SEMA3E: variants seen among roughly 807,000 people sequenced by gnomAD.
SEMA3E encodes the protein semaphorin-3E.
SEMA3E carries 49 observed loss-of-function variants against 93.6 expected under a neutral mutation model. The observed-to-expected ratio is 0.52, with a 90% confidence interval of 0.42 to 0.66. SEMA3E has a LOEUF of 0.66. Among genes scored for constraint, SEMA3E ranks in the 30% least tolerant of loss-of-function variants. The pLI is 0.00. For synonymous variants in SEMA3E, 363 were observed against 330.7 expected (o/e 1.10, Z -1.06); for missense variants, 906 against 964.8 (o/e 0.94, Z 0.81).
rs557575318 is a variant in SEMA3E at position 83,473,370 on chromosome 7, T to C, written c.277-4068A>G. ...AGGCCTGTGACAGTAAGACAGACTC[T>C]TCTCCTGTCTACAGCAGTTTGTTTG... On this transcript the variant is annotated intron_variant, in intron 2 of 16. Transcript: ENST00000643230. 1.3e-4 allele frequency among the ~76,000 whole-genome samples: 20 copies of C among 152,332 alleles called. No individual in the cohort carries two copies. The South Asian group carries it at 3.5e-3, about 27-fold the overall frequency.
chr7:83,363,727 G>T lies in SEMA3E; in HGVS notation c.*3859C>A, dbSNP rs935224769. 17 of 152,084 alleles carry T rather than the reference G, an allele frequency of 1.1e-4. No individual in the cohort carries two copies. Among genetic ancestry groups the T allele is most frequent in the African/African-American group, 2.4e-5 (1 of 41,392 alleles). 9.4% of individuals were successfully genotyped at this position (152,084 alleles called of 1,614,324 possible). A position where few individuals can be genotyped will look rare whatever the true frequency, so the allele number is the denominator to read the frequency against. On this transcript the variant is annotated 3_prime_UTR_variant, in exon 17 of 17. Coordinates refer to ENST00000643230, the MANE Select transcript of SEMA3E (RefSeq NM_012431.3). Reference sequence around the variant, plus strand: ...TTTTTAAAATGGAACTCAGTGTGACGCTCTGCTGTAAGAAAAAGAGTATGG... The same window carrying T: ...TTTTTAAAATGGAACTCAGTGTGACTCTCTGCTGTAAGAAAAAGAGTATGG...
At position 83,481,668 on chromosome 7, in the gene SEMA3E, C is replaced by T. The variant is rs112994303; in HGVS notation, c.276+8446G>A. On this transcript the variant is annotated intron_variant, in intron 2 of 16. Coordinates refer to ENST00000643230, the MANE Select transcript of SEMA3E (RefSeq NM_012431.3). ...TAGGGTCTTTAATGAATGTTATATACGTGCAACAGAGCAGAAGTTCATTGG... is the reference window on the plus strand; with the variant it reads ...TAGGGTCTTTAATGAATGTTATATATGTGCAACAGAGCAGAAGTTCATTGG... 3.2e-3 allele frequency among the ~76,000 whole-genome samples: 483 copies of T among 152,116 alleles called. 4 individuals carry two copies. The highest frequency in any genetic ancestry group is 9.9e-3 in the African/African-American group (409 of 41,484).
At position 83,405,583 on chromosome 7, in the gene SEMA3E, T is replaced by G. The variant is rs2709935; in HGVS notation, c.929-64A>C. ...AGCTCTCTTTGCATGCAAAGAAAAT[T>G]TATTCACCTAAATTTGTTTAGAACT... On this transcript the variant is annotated intron_variant, in intron 8 of 16. Coordinates refer to ENST00000643230, the MANE Select transcript of SEMA3E (RefSeq NM_012431.3). 0.59 allele frequency: 787,808 copies of G among 1,331,812 alleles called. 240,909 individuals are homozygous for G. The highest frequency in any genetic ancestry group is 0.83 in the East Asian group (36,128 of 43,354). 82.5% of individuals were successfully genotyped at this position (1,331,812 alleles called of 1,614,324 possible). A position where few individuals can be genotyped will look rare whatever the true frequency, so the allele number is the denominator to read the frequency against.
At chr7:83,554,127 TATGTATA>T (rs1791832164) in intron 1 of SEMA3E, among the ~76,000 whole-genome samples, 2 of 152,128 alleles carry the variant, frequency 1.3e-5, no homozygotes, top group South Asian at 4.1e-4. Flanking sequence ...AAATAAGAAA[TATGTATA>T]ATGAGTTGTT....
intron 1 of SEMA3E, among the ~76,000 whole-genome samples, chr7:83,601,859 A>T (rs1436795896): frequency 6.6e-6 from 1 of 152,204 alleles, no homozygotes; most frequent in Admixed American, 6.6e-5. Context: ...ATCTAATAAT[A>T]AATTTGTCCT....
intron 10 of SEMA3E, 149 bp downstream of exon 10, chr7:83,402,482 AT>A: frequency 1.5e-6 from 1 of 658,632 alleles, no homozygotes; most frequent in Non-Finnish European, 2.6e-6. Context: ...TTGAAGGAAT[AT>A]TTTTTTACTA....
At chr7:83,520,807 C>T (rs775906278) in intron 1 of SEMA3E, among the ~76,000 whole-genome samples, 10 of 152,164 alleles carry the variant, frequency 6.6e-5, no homozygotes, top group Non-Finnish European at 1.5e-4. Context: ...GTTGATCACA[C>T]TGAATGGACA....
intron 1 of SEMA3E, among the ~76,000 whole-genome samples, chr7:83,537,416 C>A (rs1683956567): frequency 6.6e-6 from 1 of 152,086 alleles, no homozygotes; most frequent in South Asian, 2.1e-4. Context: ...CCTTGGGAGC[C>A]CTTTGGTAAT....
At chr7:83,498,779 T>C (rs2535377) in intron 1 of SEMA3E, among the ~76,000 whole-genome samples, 84,953 of 151,940 alleles carry the variant, frequency 0.56, 24,137 homozygotes, top group South Asian at 0.68. Context: ...GTGCCCAGCC[T>C]TTTATAAGAG....
chr7:83,375,553 G>A (rs190457172), intron 16 of SEMA3E, among the ~76,000 whole-genome samples: 2 of 152,100 alleles, frequency 1.3e-5, no homozygotes, highest in Admixed American at 1.3e-4. Flanking sequence ...TTATGATCTG[G>A]AAGACCATAT....
Position 83,402,713 on chromosome 7 carries a change from G to T in SEMA3E, c.1062C>A (p.Asn354Lys). The T allele has an allele frequency of 6.2e-7, 1 of 1,612,906 alleles. No homozygotes were observed. The highest frequency in any genetic ancestry group is 8.5e-7 in the Non-Finnish European group (1 of 1,179,172). Residue 354 changes from asparagine (N) to lysine (K), a missense_variant, in exon 10 of 17, where the codon AAC becomes AAA. Asn to Lys is a moderately conservative substitution (Grantham distance 94). Transcript: ENST00000643230. ...YHMSSIRAAF[N>K]GPYAHKEGPE... Reference sequence around the variant, plus strand: ...GTCCTTCCTTATGTGCATATGGTCCGTTGAAGGCTGCCCGAATGCTAGACA... The same window carrying T: ...GTCCTTCCTTATGTGCATATGGTCCTTTGAAGGCTGCCCGAATGCTAGACA...
chr7:83,516,469 A>T (rs1318841036), intron 1 of SEMA3E, among the ~76,000 whole-genome samples: 1 of 152,238 alleles, frequency 6.6e-6, no homozygotes, highest in African/African-American at 2.4e-5. Flanking sequence ...TTACAAAAAC[A>T]TAATGAAAGT....
chr7:83,583,853 G>A (rs1433852829), intron 1 of SEMA3E, among the ~76,000 whole-genome samples: 3 of 152,124 alleles, frequency 2.0e-5, no homozygotes, highest in Non-Finnish European at 4.4e-5. Context: ...TGTGATGCTT[G>A]ATGCTGCCAC....
intron 1 of SEMA3E, among the ~76,000 whole-genome samples, chr7:83,550,703 T>C (rs1791747620): frequency 2.0e-5 from 3 of 152,046 alleles, no homozygotes; most frequent in African/African-American, 7.2e-5. Context: ...CATCTACTCA[T>C]CAGAAAATTC....
chr7:83,454,699 C>G (rs1320971680), intron 4 of SEMA3E, among the ~76,000 whole-genome samples: 1 of 152,082 alleles, frequency 6.6e-6, no homozygotes, highest in Admixed American at 6.5e-5. Context: ...AGCATGTATG[C>G]TTTATTTGGA....
At chr7:83,594,667 T>C (rs1274101964) in intron 1 of SEMA3E, among the ~76,000 whole-genome samples, 1 of 152,098 alleles carries the variant, frequency 6.6e-6, no homozygotes, top group Non-Finnish European at 1.5e-5. Context: ...AAATATGTTA[T>C]AGTGGATAGT....
intron 9 of SEMA3E, among the ~76,000 whole-genome samples, chr7:83,403,582 A>T (rs1438967667): frequency 6.6e-6 from 1 of 151,986 alleles, no homozygotes; most frequent in Non-Finnish European, 1.5e-5. Flanking sequence ...ATTTAGCATG[A>T]ACTGAATGAA....
At chr7:83,390,087 A>ATG (rs1787981692) in intron 14 of SEMA3E, among the ~76,000 whole-genome samples, 1 of 120,004 alleles carries the variant, frequency 8.3e-6, no homozygotes, top group Non-Finnish European at 1.8e-5. Context: ...ACGTGTGCAC[A>ATG]TATATGCGCG....
At chr7:83,373,477 T>G (rs1794777527) in intron 16 of SEMA3E, among the ~76,000 whole-genome samples, 1 of 152,134 alleles carries the variant, frequency 6.6e-6, no homozygotes, top group African/African-American at 2.4e-5. Context: ...AAATAGAAAT[T>G]TATTTTATTA....
Sources: allele counts gnomAD v4.1 joint callset (sites outside exome capture counted in the v4.1 genomes callset), GRCh38; gene constraint gnomAD v4.1.1; transcripts MANE v1.5; gene names NCBI Gene and HGNC (gene_info 2026-07-23, HGNC 2026-07-21).